Variants in MAF observed in about 807,000 individuals in gnomAD.
MAF encodes the protein MAF bZIP transcription factor.
A neutral mutation model predicts 22.0 loss-of-function variants in MAF; 10 were observed. That is an observed-to-expected ratio of 0.45 (90% confidence interval 0.28 to 0.77). The LOEUF is 0.77. Among genes scored for constraint, MAF ranks in the 30% least tolerant of loss-of-function variants. The probability of loss-of-function intolerance (pLI) is 0.12; values close to 1 mark genes in which losing one functional copy is unlikely to be tolerated. For synonymous variants in MAF, 337 were observed against 255.8 expected, an observed-to-expected ratio of 1.32 and a Z score of -3.03; for missense variants, 544 against 548.4, an observed-to-expected ratio of 0.99 and a Z score of 0.08.
the MAF span, among the ~76,000 whole-genome samples, chr16:79,413,304 G>A: frequency 1.4e-4 from 17 of 121,986 alleles, no homozygotes; most frequent in South Asian, 6.1e-4. Context: ...GTACAGTGGC[G>A]CAGCCTCGGC....
At chr16:79,528,662 A>AG in the MAF span, among the ~76,000 whole-genome samples, 58 of 152,224 alleles carry the variant, frequency 3.8e-4, no homozygotes, top group African/African-American at 1.3e-3. Flanking sequence ...AAGGGAGAAA[A>AG]AAAAAAAAAG....
At chr16:79,548,072 T>A in the MAF span, among the ~76,000 whole-genome samples, 1 of 152,178 alleles carries the variant, frequency 6.6e-6, no homozygotes, top group African/African-American at 2.4e-5. Flanking sequence ...TGGTTTGATA[T>A]AGTGGTTGTT....
chr16:79,243,333 TAA>T, the MAF span, among the ~76,000 whole-genome samples: 1 of 151,218 alleles, frequency 6.6e-6, no homozygotes, highest in East Asian at 1.9e-4. Context: ...CAGATTAATT[TAA>T]AAAAGAGAGA....
chr16:79,267,187 G>A, the MAF span, among the ~76,000 whole-genome samples: 2 of 152,218 alleles, frequency 1.3e-5, no homozygotes, highest in African/African-American at 4.8e-5. Context: ...ATGGATCAGC[G>A]TGGAAGTTCT....
chr16:79,382,173 G>C, the MAF span, among the ~76,000 whole-genome samples: 6,489 of 152,224 alleles, frequency 0.043, 277 homozygotes, highest in East Asian at 0.18. Flanking sequence ...CAACATGTCA[G>C]AGGGTTTTCA....
chr16:79,208,099 T>C, the MAF span, among the ~76,000 whole-genome samples: 17 of 152,348 alleles, frequency 1.1e-4, no homozygotes, highest in African/African-American at 3.8e-4. Context: ...TGAATCCTTA[T>C]TACCAAGATA....
At chr16:79,210,674 C>T in the MAF span, among the ~76,000 whole-genome samples, 26 of 152,250 alleles carry the variant, frequency 1.7e-4, no homozygotes, top group African/African-American at 5.5e-4. Flanking sequence ...TAGAGACGTG[C>T]CGACCATGTC....
At chr16:79,294,064 A>T in the MAF span, among the ~76,000 whole-genome samples, 3 of 152,194 alleles carry the variant, frequency 2.0e-5, no homozygotes, top group Admixed American at 2.0e-4. Flanking sequence ...TTAAGATTCC[A>T]TCACAATCTA....
chr16:79,546,862 C>G, the MAF span, among the ~76,000 whole-genome samples: 1 of 152,030 alleles, frequency 6.6e-6, no homozygotes, highest in Non-Finnish European at 1.5e-5. Context: ...GGAGGATGGA[C>G]TTATATGACA....
At chr16:79,228,986 A>T in the MAF span, among the ~76,000 whole-genome samples, 3 of 151,872 alleles carry the variant, frequency 2.0e-5, no homozygotes, top group African/African-American at 7.3e-5. Context: ...TCGTTAACAC[A>T]CATCCATCAG....
chr16:79,358,477 C>A, the MAF span, among the ~76,000 whole-genome samples: 1 of 152,120 alleles, frequency 6.6e-6, no homozygotes, highest in Non-Finnish European at 1.5e-5. Context: ...GCTACTTGAT[C>A]CCACCCAACT....
At chr16:79,396,703 C>T in the MAF span, among the ~76,000 whole-genome samples, 2 of 152,210 alleles carry the variant, frequency 1.3e-5, no homozygotes, top group Admixed American at 6.5e-5. Context: ...TTGCTGCACA[C>T]TGGAGTCACT....
At chr16:79,246,706 A>G in the MAF span, among the ~76,000 whole-genome samples, 1 of 152,192 alleles carries the variant, frequency 6.6e-6, no homozygotes, top group African/African-American at 2.4e-5. Flanking sequence ...ACATCAGTCA[A>G]TATGTGGTAA....
chr16:79,442,963 G>C, the MAF span, among the ~76,000 whole-genome samples: 2 of 152,172 alleles, frequency 1.3e-5, no homozygotes, highest in Non-Finnish European at 2.9e-5. Context: ...CAGAAATAAG[G>C]GTGGATGAAA....
intron 1 of MAF, chr16:79,598,095 T>C (rs1169375316): frequency 9.6e-7 from 1 of 1,042,790 alleles, no homozygotes; most frequent in African/African-American, 1.7e-5. Context: ...GTCTATAACA[T>C]TTCACATTTT....
the MAF span, among the ~76,000 whole-genome samples, chr16:79,384,401 C>A: frequency 7.5e-5 from 11 of 146,854 alleles, no homozygotes; most frequent in Non-Finnish European, 1.3e-4. Flanking sequence ...GCCAAGATTA[C>A]GCTACTGTAT....
At chr16:79,446,106 C>T in the MAF span, among the ~76,000 whole-genome samples, 1 of 151,966 alleles carries the variant, frequency 6.6e-6, no homozygotes, top group Admixed American at 6.6e-5. Flanking sequence ...CAGGGACGGG[C>T]AGAGGGGAAA....
the MAF span, among the ~76,000 whole-genome samples, chr16:79,218,774 T>G: frequency 6.6e-6 from 1 of 152,214 alleles, no homozygotes; most frequent in Non-Finnish European, 1.5e-5. Flanking sequence ...ACATTCAGTT[T>G]GGGCAGAAAA....
downstream of MAF, among the ~76,000 whole-genome samples, chr16:79,593,151 T>A (rs1200047936): frequency 2.0e-5 from 3 of 152,174 alleles, no homozygotes; most frequent in African/African-American, 7.2e-5. Context: ...CTTTTAAATA[T>A]ATTGATTGGC....
Sources: allele counts gnomAD v4.1 joint callset (sites outside exome capture counted in the v4.1 genomes callset), GRCh38; gene constraint gnomAD v4.1.1; transcripts MANE v1.5; gene names NCBI Gene and HGNC (gene_info 2026-07-23, HGNC 2026-07-21).